The following BOP1 variants were observed in gnomAD, a reference collection of about 807,000 sequenced individuals.
The protein encoded by BOP1 is ribosome biogenesis protein BOP1.
Under a neutral mutation model 82.9 loss-of-function variants are expected in BOP1, and 54 were observed. The ratio of observed to expected loss-of-function variants is 0.65; its 90% CI spans 0.52 to 0.82. The LOEUF (loss-of-function observed/expected upper bound fraction) is 0.82. BOP1 is among the 40% of genes least tolerant of loss of function. The pLI is 0.00. For synonymous variants in BOP1, 566 were observed against 451.1 expected (o/e 1.25, Z -3.23); for missense variants, 1,170 against 1,072.0 (o/e 1.09, Z -1.28).
At chr8:144,284,546 T>A (rs1295270362) in intron 2 of BOP1, among the ~76,000 whole-genome samples, 2 of 152,112 alleles carry the variant, frequency 1.3e-5, no homozygotes, top group Admixed American at 1.3e-4. Flanking sequence ...CTGCCCCTTC[T>A]CTTAAGAAAC....
intron 3 of BOP1, among the ~76,000 whole-genome samples, chr8:144,272,480 AC>A (rs1845506878): frequency 6.6e-6 from 1 of 151,864 alleles, no homozygotes; most frequent in Non-Finnish European, 1.5e-5. Flanking sequence ...TGCCCAACAG[AC>A]CTTGCCCTCC....
intron 3 of BOP1, chr8:144,267,049 G>A (rs1404337174): frequency 6.7e-6 from 10 of 1,495,410 alleles, no homozygotes; most frequent in African/African-American, 2.9e-5. Context: ...CTGCCACTCC[G>A]GGCCCGCCTT....
rs1588604846 is a variant in BOP1 at position 144,281,637 on chromosome 8, C to CCAGG, written c.310-5334_310-5333insCCTG. 19 of 152,096 alleles carry CCAGG rather than the reference C, an allele frequency of 1.2e-4. 1 individual carries two copies. In the East Asian group the frequency reaches 3.5e-3, roughly 28 times the overall value. The allele number at this position is 152,096 out of a possible 1,614,324, so 9.4% of individuals were successfully genotyped here. On this transcript the variant is annotated intron_variant, in intron 2 of 15. Coordinates refer to ENST00000569669, the MANE Select transcript of BOP1 (RefSeq NM_015201.5). ...TCTTAGGCCTTCTCTTACTTTAATA[C>CCAGG]TAGGTCTTAGGCCTTCTCTTACTAG...
At chr8:144,288,049 T>A (rs1554839641) in intron 2 of BOP1, among the ~76,000 whole-genome samples, 2 of 151,962 alleles carry the variant, frequency 1.3e-5, no homozygotes, top group Non-Finnish European at 2.9e-5. Flanking sequence ...GCAGATCACT[T>A]GAGGTCAGGA....
chr8:144,291,313 G>A lies in BOP1; in HGVS notation c.58C>T (p.Arg20Trp), dbSNP rs782228963. The change falls in exon 1 of 16, where the codon CGG becomes TGG. Residue 20 changes from arginine (R) to tryptophan (W), a missense_variant. By Grantham distance (101) the Arg-to-Trp change is moderately radical. Transcript: ENST00000569669. This position sits in a 1 kb window ranked among gnomAD's most constrained non-coding sequence, Gnocchi z 4.1. ...GGCTCCAGTTCGGGCTCAGACCGCCGCTTCTCCGGCCGCACGCTCGGCGCC... is the reference window on the plus strand; with the variant it reads ...GGCTCCAGTTCGGGCTCAGACCGCCACTTCTCCGGCCGCACGCTCGGCGCC... ...TAAPSVRPEK[R>W]RSEPELEPEP... 479 of 1,440,696 alleles carry A rather than the reference G, an allele frequency of 3.3e-4. No individual in the cohort carries two copies. The highest frequency in any genetic ancestry group is 4.1e-4 in the Non-Finnish European group (449 of 1,096,264). 89.2% of individuals were successfully genotyped at this position (1,440,696 alleles called of 1,614,324 possible). A position where few individuals can be genotyped will look rare whatever the true frequency, so the allele number is the denominator to read the frequency against.
At chr8:144,266,856 C>T (rs1335030950) in intron 3 of BOP1, 3 of 1,407,832 alleles carry the variant, frequency 2.1e-6, no homozygotes, top group East Asian at 3.2e-5. Context: ...ACACGGCGAA[C>T]GCGCGCGAGC....
At chr8:144,268,281 G>A in intron 3 of BOP1, 1 of 1,293,378 alleles carries the variant, frequency 7.7e-7, no homozygotes. Flanking sequence ...CTGGCTGCGA[G>A]CGGGGCCGAG....
In BOP1 at chr8:144,262,201, G is replaced by A; in HGVS notation, c.2204C>T (p.Ser735Phe). 1 of 1,612,752 alleles carries A rather than the reference G, an allele frequency of 6.2e-7. No homozygotes were observed. The highest frequency in any genetic ancestry group is 8.5e-7 in the Non-Finnish European group (1 of 1,179,820). The change falls in exon 16 of 16, where the codon TCC (serine) becomes TTC (phenylalanine). Residue 735 changes from serine (S) to phenylalanine (F), a missense_variant. Coordinates refer to ENST00000569669, the MANE Select transcript of BOP1 (RefSeq NM_015201.5). ...IFHPTQPWVF[S>F]SGADGTVRLF... ...GCGGACAGTCCCGTCTGCCCCCGAG[G>A]AGAAGACCCACGGCTGGGTGGGGTG...
chr8:144,268,878 G>A (rs1304257060), intron 3 of BOP1, among the ~76,000 whole-genome samples: 1 of 152,204 alleles, frequency 6.6e-6, no homozygotes, highest in Non-Finnish European at 1.5e-5. Context: ...GCACCCGGGG[G>A]CCCTGAGGGT....
At chr8:144,268,242 C>G (rs1237749951) in intron 3 of BOP1, 1 of 1,503,160 alleles carries the variant, frequency 6.7e-7, no homozygotes, top group Non-Finnish European at 9.0e-7. Context: ...CTGGGCAAGG[C>G]CCACCGCAAG....
At chr8:144,270,179 G>A (rs747216693) in intron 3 of BOP1, among the ~76,000 whole-genome samples, 6 of 152,098 alleles carry the variant, frequency 3.9e-5, no homozygotes, top group East Asian at 1.9e-4. Context: ...GGGCGTCGGC[G>A]GCCGGCACCA....
chr8:144,267,981 G>GAGAGCCGGGA, intron 3 of BOP1: 1 of 1,432,104 alleles, frequency 7.0e-7, no homozygotes, highest in Non-Finnish European at 9.6e-7. Flanking sequence ...GGAAGCTGGG[G>GAGAGCCGGGA]AGAGCCGGGA....
At position 144,280,851 on chromosome 8, in the gene BOP1, A is replaced by G. The variant is rs200360780; in HGVS notation, c.310-4547T>C. Reference sequence around the variant, plus strand: ...CGGGTGACAGACAGACTCTTGTCTCAGAAAAAAAAAAAAATCTGGAATCAT... The same window carrying G: ...CGGGTGACAGACAGACTCTTGTCTCGGAAAAAAAAAAAAATCTGGAATCAT... On this transcript the variant is annotated intron_variant, in intron 2 of 15. Coordinates refer to ENST00000569669, the MANE Select transcript of BOP1 (RefSeq NM_015201.5). 2.0e-5 allele frequency among the ~76,000 whole-genome samples: 3 copies of G among 152,148 alleles called. No individual in the cohort carries two copies. The East Asian group carries it at 5.8e-4, about 29-fold the overall frequency.
At chr8:144,290,003 C>G (rs1322408188) in intron 1 of BOP1, among the ~76,000 whole-genome samples, 1 of 152,212 alleles carries the variant, frequency 6.6e-6, no homozygotes, top group African/African-American at 2.4e-5. Context: ...GTGACACCGG[C>G]ACACACAGTG....
At chr8:144,265,897 G>T (rs965647391) in intron 3 of BOP1, 10,644 of 153,182 alleles carry the variant, frequency 0.069, 452 homozygotes, top group Non-Finnish European at 0.1. Flanking sequence ...CAAGGAGACC[G>T]ACGGGGTGAG....
chr8:144,270,176 G>A (rs1400285055), intron 3 of BOP1, among the ~76,000 whole-genome samples: 4 of 152,114 alleles, frequency 2.6e-5, no homozygotes, highest in East Asian at 3.9e-4. Context: ...GCGGGGCGTC[G>A]GCGGCCGGCA....
chr8:144,263,797 AG>A, intron 9 of BOP1, 33 bp downstream of exon 9: 1 of 1,606,766 alleles, frequency 6.2e-7, no homozygotes, highest in Non-Finnish European at 8.5e-7. Context: ...TCAGACTGGG[AG>A]GGTGCAACCC....
intron 3 of BOP1, chr8:144,268,173 G>A (rs1845424375): frequency 1.5e-5 from 24 of 1,549,754 alleles, no homozygotes; most frequent in South Asian, 2.4e-5. Flanking sequence ...GGAGGCAGAC[G>A]CTGCTGGGGG....
intron 6 of BOP1, 24 bp downstream of exon 6, chr8:144,264,491 A>C: frequency 6.2e-7 from 1 of 1,609,112 alleles, no homozygotes; most frequent in Non-Finnish European, 8.5e-7. Flanking sequence ...GCCCAGGCCA[A>C]GCCCCAGGGG....
Sources: gnomAD v4.1 joint callset for allele counts (sites outside exome capture counted in the v4.1 genomes callset) on GRCh38, gnomAD v4.1.1 for gene constraint, Gnocchi (gnomAD v3.1) non-coding constraint, MANE v1.5 for transcripts, NCBI Gene and HGNC (gene_info 2026-07-23, HGNC 2026-07-21) for gene names.